Variants in CIB2 observed in about 807,000 individuals in gnomAD.
The protein encoded by CIB2 is calcium and integrin-binding family member 2.
CIB2 carries 19 observed loss-of-function variants against 23.1 expected under a neutral mutation model. The ratio of observed to expected loss-of-function variants is 0.82; its 90% CI spans 0.57 to 1.21. The LOEUF (loss-of-function observed/expected upper bound fraction) is 1.21, where lower values mean the gene tolerates loss of function less well. CIB2 is among the 50% of genes most tolerant of loss of function. The pLI, the probability that CIB2 is intolerant of heterozygous loss-of-function variation, is 0.00. For synonymous variants in CIB2, 94 were observed against 91.7 expected (o/e 1.03, Z -0.14); for missense variants, 220 against 241.5 (o/e 0.91, Z 0.59).
intron 2 of CIB2, among the ~76,000 whole-genome samples, chr15:78,114,503 C>G (rs2074209373): frequency 6.6e-6 from 1 of 152,098 alleles, no homozygotes; most frequent in Non-Finnish European, 1.5e-5. Flanking sequence ...CTTGAACTGC[C>G]CCCGAGTATG....
rs757364493 is a variant in CIB2, at chr15:78,109,201, G to A, written c.346+34C>T. On this transcript the variant is annotated intron_variant, in intron 4 of 5. Transcript: ENST00000258930. ...TAAGGGCCCCACATGTTCCCCCACC[G>A]CATATTCAGGCCCCCTCCTCTAGCC... 56 of 1,156,330 alleles carry A rather than the reference G, an allele frequency of 4.8e-5. 2 individuals are homozygous for A. The highest frequency in any genetic ancestry group is 2.8e-4 in the East Asian group (10 of 35,378). The allele number at this position is 1,156,330 out of a possible 1,614,324, so 71.6% of individuals were successfully genotyped here. A position where few individuals can be genotyped will look rare whatever the true frequency, so the allele number is the denominator to read the frequency against.
At chr15:78,115,838 C>T (rs984464374) in intron 2 of CIB2, among the ~76,000 whole-genome samples, 6 of 151,674 alleles carry the variant, frequency 4.0e-5, no homozygotes, top group Admixed American at 1.3e-4. Flanking sequence ...CCACCACACC[C>T]GGCTAATTTT....
In CIB2 at chr15:78,131,072, C is replaced by G; in HGVS notation, c.51+93G>C. 2.6e-6 allele frequency: 3 copies of G among 1,151,526 alleles called. 1 individual carries two copies. In the South Asian group the frequency reaches 4.3e-5, roughly 16 times the overall value. 71.3% of individuals were successfully genotyped at this position (1,151,526 alleles called of 1,614,324 possible). A position where few individuals can be genotyped will look rare whatever the true frequency, so the allele number is the denominator to read the frequency against. ...GAGGCAGGGTTTGAACCTGGGAGAG[C>G]TGGCTCTCGGGAGGCCTCGGCCAGC... On this transcript the variant is annotated intron_variant, in intron 1 of 5. Transcript: ENST00000258930. This position sits in a 1 kb window ranked among gnomAD's most constrained non-coding sequence, Gnocchi z 5.8.
chr15:78,116,156 C>T (rs1367600126), intron 2 of CIB2, among the ~76,000 whole-genome samples: 2 of 151,746 alleles, frequency 1.3e-5, no homozygotes, highest in East Asian at 1.9e-4. Flanking sequence ...CAGGAGGTGC[C>T]GATTTAAAGT....
In CIB2 at chr15:78,131,322, T is replaced by C. The variant is rs1197372555; in HGVS notation, c.-107A>G. 1.1e-6 allele frequency: 1 copy of C among 920,602 alleles called. No homozygotes were observed. Among genetic ancestry groups the C allele is most frequent in the Admixed American group, 5.1e-5 (1 of 19,756 alleles). 57.0% of individuals were successfully genotyped at this position (920,602 alleles called of 1,614,324 possible). A position where few individuals can be genotyped will look rare whatever the true frequency, so the allele number is the denominator to read the frequency against. On this transcript the variant is annotated 5_prime_UTR_variant, in exon 1 of 6. Transcript: ENST00000258930. The surrounding 1 kb of genome is among the most constrained non-coding windows in gnomAD (Gnocchi z 5.8). ...CCGCGGCCCTCGGCAGCCCCGCGGC[T>C]GGCAGCGGCCCACGGTGGCCGGACC... is the stretch of plus-strand genomic sequence containing the variant.
chr15:78,123,827 G>T, intron 1 of CIB2, 88 bp from the exon 2 acceptor site: 2 of 1,429,646 alleles, frequency 1.4e-6, no homozygotes, highest in Non-Finnish European at 9.9e-7. Context: ...GGCTCACAGG[G>T]GATAGCTCCG....
intron 3 of CIB2, chr15:78,110,875 G>A: frequency 3.1e-6 from 1 of 320,790 alleles, no homozygotes; most frequent in South Asian, 2.3e-5. Flanking sequence ...GCAGACACAG[G>A]TCTGCCAACT....
At chr15:78,126,155 T>A (rs369504841) in intron 1 of CIB2, among the ~76,000 whole-genome samples, 343 of 141,956 alleles carry the variant, frequency 2.4e-3, no homozygotes, top group African/African-American at 8.5e-3. Context: ...CCCCCCTTTT[T>A]TTTTTGAGAC....
At chr15:78,109,543 A>C in intron 3 of CIB2, 161 bp from the exon 4 acceptor site, 1 of 761,612 alleles carries the variant, frequency 1.3e-6, no homozygotes, top group South Asian at 1.6e-5. Flanking sequence ...CACCTTCTTA[A>C]TTGGGTTGTG....
At chr15:78,130,593 C>T (rs963353180) in intron 1 of CIB2, among the ~76,000 whole-genome samples, 9 of 152,264 alleles carry the variant, frequency 5.9e-5, no homozygotes, top group Admixed American at 3.9e-4. Flanking sequence ...GGAGAGGTGG[C>T]CCTGGAAGGC....
chr15:78,105,435 T>C (rs2074051925), intron 5 of CIB2, 103 bp from the exon 6 acceptor site: 1 of 1,583,584 alleles, frequency 6.3e-7, no homozygotes, highest in Non-Finnish European at 8.6e-7. Flanking sequence ...TGCTGGACAG[T>C]GCCTCATTAG....
At chr15:78,125,972 C>A (rs921195174) in intron 1 of CIB2, among the ~76,000 whole-genome samples, 1 of 152,142 alleles carries the variant, frequency 6.6e-6, no homozygotes, top group Admixed American at 6.5e-5. Flanking sequence ...CTCTAAATAT[C>A]CAATTTTTCT....
At chr15:78,116,058 T>C (rs2074236590) in intron 2 of CIB2, among the ~76,000 whole-genome samples, 1 of 152,144 alleles carries the variant, frequency 6.6e-6, no homozygotes, top group African/African-American at 2.4e-5. Context: ...TTGTCATTAT[T>C]CCTTAAACAA....
intron 1 of CIB2, among the ~76,000 whole-genome samples, chr15:78,128,822 G>C (rs1239528275): frequency 2.0e-5 from 3 of 152,182 alleles, no homozygotes; most frequent in Non-Finnish European, 2.9e-5. Flanking sequence ...GTTTGCAGGA[G>C]ACTGAGCAGG....
intron 2 of CIB2, among the ~76,000 whole-genome samples, chr15:78,117,283 T>TAAAAAAAAA (rs1265422874): frequency 1.3e-4 from 18 of 133,506 alleles, no homozygotes; most frequent in South Asian, 4.8e-4. Context: ...AAAGTTTGTT[T>TAAAAAAAAA]AAAAGAATAA....
Position 78,120,843 on chromosome 15 carries a change from T to G in CIB2, c.86+2862A>C, listed in dbSNP as rs916408333. The G allele has an allele frequency of 7.4e-6, 4 of 537,764 alleles. No homozygotes were observed. In the African/African-American group the frequency reaches 8.3e-5, roughly 11 times the overall value. The allele number at this position is 537,764 out of a possible 1,614,324, so 33.3% of individuals were successfully genotyped here. ...CAGCTTACCAAGAAAACCATCCTGG[T>G]GGGGGTGGGGAGTAGCATCCCTGAA... On this transcript the variant is annotated intron_variant, in intron 2 of 5. Transcript: ENST00000258930.
rs60332437 is a variant in CIB2, at chr15:78,117,246, C to CAAAAAAAAAAA, written c.87-5981_87-5971dup. On this transcript the variant is annotated intron_variant, in intron 2 of 5. Transcript: ENST00000258930. ...GTTAAGTGTTTCTTCAAGCTACTGG[C>CAAAAAAAAAAA]AAAAAAAAAAAAAAAAAAAAAAAAA... is the stretch of plus-strand genomic sequence containing the variant. Among the ~76,000 whole-genome samples the CAAAAAAAAAAA allele has an allele frequency of 3.4e-3, 189 of 55,450 alleles. 44 individuals carry two copies. Among genetic ancestry groups the CAAAAAAAAAAA allele is most frequent in the South Asian group, 6.0e-3 (7 of 1,160 alleles). 36.4% of individuals were successfully genotyped at this position (55,450 alleles called of 152,430 possible). A position where few individuals can be genotyped will look rare whatever the true frequency, so the allele number is the denominator to read the frequency against.
intron 4 of CIB2, 91 bp downstream of exon 4, chr15:78,109,144 C>G: frequency 6.9e-7 from 1 of 1,446,144 alleles, no homozygotes; most frequent in East Asian, 2.3e-5. Context: ...CTTGGTGTCC[C>G]TAGGGCAGGA....
chr15:78,131,395 G>A lies in CIB2; in HGVS notation c.-180C>T, dbSNP rs1353768246. 1.2e-5 allele frequency: 3 copies of A among 251,404 alleles called. No individual in the cohort carries two copies. The highest frequency in any genetic ancestry group is 2.0e-5 in the Non-Finnish European group (3 of 146,978). The allele number at this position is 251,404 out of a possible 1,614,324, so 15.6% of individuals were successfully genotyped here. On this transcript the variant is annotated 5_prime_UTR_variant, in exon 1 of 6. Coordinates refer to ENST00000258930, the MANE Select transcript of CIB2 (RefSeq NM_006383.4). This position sits in a 1 kb window ranked among gnomAD's most constrained non-coding sequence, Gnocchi z 5.8. ...GGAGGAGGCGCGCGGGGGTCTCGGA[G>A]GCGGGGACGGGAACCCGGAGCGGCA...
Sources: gnomAD v4.1 joint callset for allele counts (sites outside exome capture counted in the v4.1 genomes callset) on GRCh38, gnomAD v4.1.1 for gene constraint, Gnocchi (gnomAD v3.1) non-coding constraint, MANE v1.5 for transcripts, NCBI Gene and HGNC (gene_info 2026-07-23, HGNC 2026-07-21) for gene names.